FHIP2B: variants seen among roughly 807,000 people sequenced by gnomAD.
FHIP2B encodes the protein FHF complex subunit HOOK-interacting protein 2B.
In FHIP2B, 72 loss-of-function variants were observed where a neutral mutation model predicts 84.0. The ratio of observed to expected loss-of-function variants is 0.86; its 90% CI spans 0.71 to 1.04. The LOEUF (loss-of-function observed/expected upper bound fraction) is 1.04. Ranked by LOEUF, FHIP2B falls within the 50% of genes least tolerant of loss-of-function variation. The pLI is 0.00. For missense variants in FHIP2B, 972 were observed against 968.9 expected, an observed-to-expected ratio of 1.00 and a Z score of -0.04; for synonymous variants, 497 against 418.7, an observed-to-expected ratio of 1.19 and a Z score of -2.28.
intron 12 of FHIP2B, 154 bp downstream of exon 12, chr8:22,101,126 G>C: frequency 1.0e-6 from 1 of 968,872 alleles, no homozygotes; most frequent in Non-Finnish European, 1.5e-6. Flanking sequence ...GGATCCAAGC[G>C]ATTCCTGTGC....
At chr8:22,092,879 C>T (rs1586314888) in intron 1 of FHIP2B, among the ~76,000 whole-genome samples, 1 of 152,178 alleles carries the variant, frequency 6.6e-6, no homozygotes, top group African/African-American at 2.4e-5. Context: ...ACCTCTCCTG[C>T]GGCCTCACAC....
At chr8:22,098,924 G>C in intron 7 of FHIP2B, 24 bp from the exon 8 acceptor site, 1 of 1,567,090 alleles carries the variant, frequency 6.4e-7, no homozygotes, top group Non-Finnish European at 8.7e-7. Context: ...CACTCTCTGA[G>C]ACTTCACTCC....
chr8:22,089,164 G>C lies in FHIP2B; in HGVS notation c.-90G>C. 1.2e-6 allele frequency: 1 copy of C among 845,374 alleles called. No individual in the cohort carries two copies. The highest frequency in any genetic ancestry group is 1.4e-6 in the Non-Finnish European group (1 of 690,676). The allele number at this position is 845,374 out of a possible 1,614,324, so 52.4% of individuals were successfully genotyped here. A position where few individuals can be genotyped will look rare whatever the true frequency, so the allele number is the denominator to read the frequency against. ...GGCCGGGCCCCGCCCCCCTCGTCGC[G>C]CCGGGGCCGCCGGGGCCACGGGGCT... On this transcript the variant is annotated 5_prime_UTR_variant, in exon 1 of 17. Transcript: ENST00000289921.
intron 1 of FHIP2B, among the ~76,000 whole-genome samples, chr8:22,092,824 C>G (rs942991720): frequency 1.4e-4 from 22 of 152,156 alleles, no homozygotes; most frequent in African/African-American, 5.1e-4. Flanking sequence ...CCTGTTCCAG[C>G]CTGTTAGAAG....
chr8:22,096,206 C>T, intron 2 of FHIP2B, 131 bp from the exon 3 acceptor site: 1 of 844,150 alleles, frequency 1.2e-6, no homozygotes, highest in South Asian at 2.1e-5. Context: ...TTCCCAGTTG[C>T]CAGCAGCTGT....
intron 1 of FHIP2B, among the ~76,000 whole-genome samples, chr8:22,089,563 C>A (rs988401701): frequency 5.3e-5 from 8 of 152,068 alleles, no homozygotes; most frequent in African/African-American, 1.7e-4. Flanking sequence ...TGCGTCCTGG[C>A]CCCGGAGTCT....
intron 14 of FHIP2B, 161 bp downstream of exon 14, chr8:22,102,012 T>C (rs1826147093): frequency 6.6e-7 from 1 of 1,514,640 alleles, no homozygotes; most frequent in East Asian, 2.4e-5. Context: ...CCACACGTCC[T>C]AACACGTTCT....
Position 22,102,289 on chromosome 8 carries a change from A to T in FHIP2B, c.1966A>T (p.Arg656Trp). 6.2e-7 allele frequency: 1 copy of T among 1,612,644 alleles called. No homozygotes were observed. Among genetic ancestry groups the T allele is most frequent in the African/African-American group, 1.3e-5 (1 of 74,916 alleles). Residue 656 changes from arginine to tryptophan, a missense_variant, in exon 15 of 17, where the codon AGG (arginine) becomes TGG (tryptophan). By Grantham distance (101) the Arg-to-Trp change is moderately radical. Coordinates refer to ENST00000289921, the MANE Select transcript of FHIP2B (RefSeq NM_022749.7). ...DPYISLAPGC[R>W]SLFSVLVRVI... Reference sequence around the variant, plus strand: ...GTACATCAGCCTGGCCCCCGGCTGCAGGAGCCTATTCTCCGTGTTGGTGAG... The same window carrying T: ...GTACATCAGCCTGGCCCCCGGCTGCTGGAGCCTATTCTCCGTGTTGGTGAG...
At position 22,099,376 on chromosome 8, in the gene FHIP2B, C is replaced by A; in HGVS notation, c.1151+16C>A. 1 of 1,612,406 alleles carries A rather than the reference C, an allele frequency of 6.2e-7. No individual in the cohort carries two copies. The highest frequency in any genetic ancestry group is 2.2e-5 in the East Asian group (1 of 44,854). ...TCCTGCACGTGTAAGTGTCTAGTTC[C>A]CTCAGGCATGACTGTGGTCTACAGT... On this transcript the variant is annotated intron_variant, in intron 9 of 16. Transcript: ENST00000289921.
chr8:22,100,904 C>T lies in FHIP2B; in HGVS notation c.1548C>T (p.Pro516=), dbSNP rs149555909. ...TCCTGGATTCCGGCTTTCAAACTCC[C>T]GCAAAGCCTCGCCTAGCTCCTGCTA... ...DSFLDSGFQT[P]AKPRLAPATS... Residue 516 remains proline, a synonymous_variant, in exon 12 of 17, where the codon CCC becomes CCT. Transcript: ENST00000289921. 8.3e-5 allele frequency: 134 copies of T among 1,613,914 alleles called. 1 individual carries two copies. Among genetic ancestry groups the T allele is most frequent in the East Asian group, 6.9e-4 (31 of 44,892 alleles).
chr8:22,099,484 G>A, intron 9 of FHIP2B, 124 bp downstream of exon 9: 1 of 1,179,262 alleles, frequency 8.5e-7, no homozygotes, highest in Non-Finnish European at 1.2e-6. Context: ...GACCCCATTG[G>A]GTGATGTTTG....
chr8:22,092,549 C>A (rs6557793), intron 1 of FHIP2B, among the ~76,000 whole-genome samples: 1 of 147,992 alleles, frequency 6.8e-6, no homozygotes, highest in Non-Finnish European at 1.5e-5. Context: ...ACTCTAGCCT[C>A]AGTGACGGTG....
At chr8:22,089,545 C>T (rs936397716) in intron 1 of FHIP2B, among the ~76,000 whole-genome samples, 3 of 152,048 alleles carry the variant, frequency 2.0e-5, no homozygotes, top group African/African-American at 7.2e-5. Flanking sequence ...CGCGTCGCTT[C>T]CTGTCTGTGC....
intron 1 of FHIP2B, among the ~76,000 whole-genome samples, chr8:22,090,414 C>T (rs1393735649): frequency 1.3e-5 from 2 of 152,190 alleles, no homozygotes; most frequent in East Asian, 1.9e-4. Context: ...ACCTTCCCAG[C>T]CCTGCTGTTG....
chr8:22,096,666 C>G, intron 3 of FHIP2B, 157 bp downstream of exon 3: 1 of 1,000,416 alleles, frequency 1.0e-6, no homozygotes, highest in South Asian at 2.0e-5. Flanking sequence ...CAGTGGGCAG[C>G]CTGGGGCTCC....
At chr8:22,089,406 C>T in intron 1 of FHIP2B, 108 bp downstream of exon 1, 1 of 632,410 alleles carries the variant, frequency 1.6e-6, no homozygotes, top group Non-Finnish European at 2.0e-6. Context: ...GGCGCGGGCC[C>T]CCTCGGGCAG....
At chr8:22,093,487 G>A (rs948403367) in intron 1 of FHIP2B, among the ~76,000 whole-genome samples, 2 of 152,180 alleles carry the variant, frequency 1.3e-5, no homozygotes, top group Non-Finnish European at 2.9e-5. Flanking sequence ...CTTGATAGAA[G>A]GAGCCGGTAG....
chr8:22,089,407 C>T (rs1340230707), intron 1 of FHIP2B, 109 bp downstream of exon 1: 5 of 603,182 alleles, frequency 8.3e-6, no homozygotes, highest in Non-Finnish European at 1.0e-5. Flanking sequence ...GCGCGGGCCC[C>T]CTCGGGCAGG....
chr8:22,096,192 C>G (rs947896035), intron 2 of FHIP2B, 145 bp from the exon 3 acceptor site: 1 of 738,156 alleles, frequency 1.4e-6, no homozygotes, highest in East Asian at 2.9e-5. Context: ...CTGTAAACTT[C>G]CATTTCCCAG....
Sources: gnomAD v4.1 joint callset for allele counts (sites outside exome capture counted in the v4.1 genomes callset) on GRCh38, gnomAD v4.1.1 for gene constraint, MANE v1.5 for transcripts, NCBI Gene and HGNC (gene_info 2026-07-23, HGNC 2026-07-21) for gene names.